KAT6B: variants seen among roughly 807,000 people sequenced by gnomAD.
KAT6B encodes the protein histone acetyltransferase KAT6B.
Under a neutral mutation model 187.5 loss-of-function variants are expected in KAT6B, and 10 were observed. The ratio of observed to expected loss-of-function variants is 0.05; its 90% CI spans 0.03 to 0.09. The LOEUF is 0.09. KAT6B is among the 10% of genes least tolerant of loss of function. The probability of loss-of-function intolerance (pLI) is 1.00; values close to 1 mark genes in which losing one functional copy is unlikely to be tolerated. For synonymous variants in KAT6B, 861 were observed against 926.8 expected, an observed-to-expected ratio of 0.93 and a Z score of 1.29; for missense variants, 1,952 against 2,558.9, an observed-to-expected ratio of 0.76 and a Z score of 5.12.
In KAT6B at chr10:75,031,034, C is replaced by T. The variant is rs998963671; in HGVS notation, c.6210C>T (p.Tyr2070=). The part of the protein sequence containing the change: ...GMSKQSLNGS[Y]MRR ...CCAAACAGTCTCTCAATGGCTCCTA[C>T]ATGAGAAGGTAGACAACGTGGGCAG... The change falls in exon 18 of 18, where the codon TAC becomes TAT. Residue 2070 remains tyrosine, a synonymous_variant. Transcript: ENST00000287239. 1.9e-6 allele frequency: 3 copies of T among 1,614,040 alleles called. No homozygotes were observed. Among genetic ancestry groups the T allele is most frequent in the Non-Finnish European group, 2.5e-6 (3 of 1,180,032 alleles).
At chr10:74,920,605 A>G (rs755530691) in intron 3 of KAT6B, among the ~76,000 whole-genome samples, 1 of 152,014 alleles carries the variant, frequency 6.6e-6, no homozygotes, top group African/African-American at 2.4e-5. Flanking sequence ...ATACGTTTTC[A>G]ACCAGATCAT....
Position 75,022,051 on chromosome 10 carries a change from G to A in KAT6B, c.3192G>A (p.Leu1064=). ...GGGAGCGAGGGCAGCTGCTGGAGCT[G>A]TCTAAAGAGAGCAGTGAAGAAGAAG... ...VTGERGQLLE[L]SKESSEEEEE... Residue 1064 remains leucine, a synonymous_variant, in exon 16 of 18, where the codon CTG becomes CTA. Transcript: ENST00000287239. 6.2e-7 allele frequency: 1 copy of A among 1,613,926 alleles called. No individual in the cohort carries two copies. Among genetic ancestry groups the A allele is most frequent in the Non-Finnish European group, 8.5e-7 (1 of 1,179,916 alleles).
intron 4 of KAT6B, among the ~76,000 whole-genome samples, chr10:74,960,535 C>A (rs941272864): frequency 1.3e-5 from 2 of 151,158 alleles, no homozygotes; most frequent in African/African-American, 2.4e-5. Context: ...ATGACTATTT[C>A]TCTAGTTATA....
At chr10:74,832,562 C>G (rs917107322) in intron 1 of KAT6B, among the ~76,000 whole-genome samples, 1 of 152,006 alleles carries the variant, frequency 6.6e-6, no homozygotes, top group Non-Finnish European at 1.5e-5. Flanking sequence ...AGTGCAATGG[C>G]GTAATCTTGG....
chr10:74,838,162 A>G (rs1307942168), intron 1 of KAT6B, among the ~76,000 whole-genome samples: 3 of 152,146 alleles, frequency 2.0e-5, no homozygotes, highest in Admixed American at 1.3e-4. Context: ...TATTATGTAA[A>G]CTGGTACGTT....
intron 3 of KAT6B, among the ~76,000 whole-genome samples, chr10:74,908,365 A>G (rs1467568784): frequency 6.6e-6 from 1 of 152,096 alleles, no homozygotes; most frequent in Non-Finnish European, 1.5e-5. Flanking sequence ...GATTGAAACC[A>G]TCCTGGCCAA....
chr10:74,884,313 A>G (rs1845076424), intron 3 of KAT6B, among the ~76,000 whole-genome samples: 1 of 152,238 alleles, frequency 6.6e-6, no homozygotes, highest in Non-Finnish European at 1.5e-5. Context: ...ATCTGTCAGG[A>G]GAAAGGATTC....
chr10:74,830,029 AC>A (rs1220414744), intron 1 of KAT6B, among the ~76,000 whole-genome samples: 44 of 149,708 alleles, frequency 2.9e-4, no homozygotes, highest in African/African-American at 1.1e-3. Context: ...AAAAAAAAAA[AC>A]AAAAAAAAAA....
intron 3 of KAT6B, among the ~76,000 whole-genome samples, chr10:74,912,375 G>GGATAGATAGATAGATA (rs35051764): frequency 0.046 from 6,716 of 145,578 alleles, 198 homozygotes; most frequent in East Asian, 0.057. Context: ...ATGGATGGAT[G>GGATAGATAGATAGATA]GATAGATAGA....
chr10:74,849,819 A>T (rs572878048), intron 3 of KAT6B, among the ~76,000 whole-genome samples: 2 of 152,320 alleles, frequency 1.3e-5, no homozygotes, highest in East Asian at 3.9e-4. Context: ...TGAGGCTGAA[A>T]GCTTAAGTGA....
chr10:75,017,618 A>T (rs1376376944), intron 13 of KAT6B, among the ~76,000 whole-genome samples: 3 of 152,206 alleles, frequency 2.0e-5, no homozygotes, highest in Non-Finnish European at 4.4e-5. Flanking sequence ...TGTCTCAAAA[A>T]AAAAAAGTAC....
chr10:75,021,965 C>T lies in KAT6B; in HGVS notation c.3106C>T (p.Pro1036Ser). ...AACTAGAGCTAACAGTAGGCAATCA[C>T]CTGCAAAAGTACAATCGAAAAATAA... is the stretch of plus-strand genomic sequence containing the variant. ...LSTRANSRQSPAKVQSKNKYL... is the reference protein window; with the variant it reads ...LSTRANSRQSSAKVQSKNKYL... The change falls in exon 16 of 18, where the codon CCT becomes TCT. Residue 1036 changes from proline to serine, a missense_variant. By Grantham distance (74) the Pro-to-Ser change is moderately conservative. This residue lies in a region of KAT6B where 758 missense variants were observed against 891.4 expected (regional missense o/e 0.85). Coordinates refer to ENST00000287239, the MANE Select transcript of KAT6B (RefSeq NM_012330.4). 6.2e-7 allele frequency: 1 copy of T among 1,614,168 alleles called. No homozygotes were observed. Among genetic ancestry groups the T allele is most frequent in the Non-Finnish European group, 8.5e-7 (1 of 1,180,040 alleles).
intron 3 of KAT6B, among the ~76,000 whole-genome samples, chr10:74,940,575 T>A (rs1304493034): frequency 6.7e-6 from 1 of 150,244 alleles, no homozygotes; most frequent in Non-Finnish European, 1.5e-5. Flanking sequence ...TGCCCGGCCT[T>A]TGTTTTTTTT....
At chr10:74,858,538 A>G (rs915015773) in intron 3 of KAT6B, among the ~76,000 whole-genome samples, 1 of 151,904 alleles carries the variant, frequency 6.6e-6, no homozygotes, top group African/African-American at 2.4e-5. Flanking sequence ...TTGGCCTCCC[A>G]AAGTTCTGGG....
chr10:75,020,455 T>C (rs193048188), intron 13 of KAT6B, 127 bp from the exon 14 acceptor site: 1 of 722,598 alleles, frequency 1.4e-6, no homozygotes, highest in East Asian at 2.7e-5. Flanking sequence ...GCTACATTCC[T>C]AAAGCGAATG....
chr10:75,027,231 C>T (rs1023998954), intron 17 of KAT6B, among the ~76,000 whole-genome samples: 1 of 152,218 alleles, frequency 6.6e-6, no homozygotes, highest in African/African-American at 2.4e-5. Context: ...TTAACTCGGG[C>T]ATGGTACTCG....
At chr10:74,847,123 T>G (rs1417960528) in intron 3 of KAT6B, among the ~76,000 whole-genome samples, 1 of 152,222 alleles carries the variant, frequency 6.6e-6, no homozygotes, top group East Asian at 1.9e-4. Flanking sequence ...GTGTCTAGGA[T>G]TGAGAGCAGA....
intron 10 of KAT6B, among the ~76,000 whole-genome samples, chr10:74,981,053 A>T (rs1382859838): frequency 6.6e-6 from 1 of 152,234 alleles, no homozygotes; most frequent in East Asian, 1.9e-4. Context: ...ACCATATATA[A>T]TTGGAAATAA....
At chr10:74,915,722 G>T (rs1847625193) in intron 3 of KAT6B, among the ~76,000 whole-genome samples, 1 of 152,136 alleles carries the variant, frequency 6.6e-6, no homozygotes, top group Non-Finnish European at 1.5e-5. Flanking sequence ...AGTTACCTTT[G>T]TCTTAAATTA....
Sources: allele counts gnomAD v4.1 joint callset (sites outside exome capture counted in the v4.1 genomes callset), GRCh38; gene constraint gnomAD v4.1.1; regional missense constraint gnomAD v4.1.1; transcripts MANE v1.5; gene names NCBI Gene and HGNC (gene_info 2026-07-23, HGNC 2026-07-21).